Variants in SRCIN1 observed in about 807,000 individuals in gnomAD.
The protein encoded by SRCIN1 is P130Cas-associated protein.
A neutral mutation model predicts 116.2 loss-of-function variants in SRCIN1; 50 were observed. The ratio of observed to expected loss-of-function variants is 0.43; its 90% CI spans 0.34 to 0.54. The LOEUF (loss-of-function observed/expected upper bound fraction) is 0.54. Among genes scored for constraint, SRCIN1 ranks in the 20% least tolerant of loss-of-function variants. SRCIN1 has a pLI of 0.02. For missense variants in SRCIN1, 1,446 were observed against 1,672.0 expected, an observed-to-expected ratio of 0.86 and a Z score of 2.36; for synonymous variants, 736 against 750.0, an observed-to-expected ratio of 0.98 and a Z score of 0.30.
Position 38,552,168 on chromosome 17 carries a change from A to C in SRCIN1, c.2481-36T>G. On this transcript the variant is annotated intron_variant, in intron 13 of 18. Coordinates refer to ENST00000617146, the MANE Select transcript of SRCIN1 (RefSeq NM_025248.3). This position sits in a 1 kb window ranked among gnomAD's most constrained non-coding sequence, Gnocchi z 5.3. ...GAGAGTTGGGAGCAGCTGTGAGGCC[A>C]GCAGGTGGTGACCCTTCTGCAGGAA... 1 of 1,585,396 alleles carries C rather than the reference A, an allele frequency of 6.3e-7. No individual in the cohort carries two copies. The highest frequency in any genetic ancestry group is 1.2e-5 in the South Asian group (1 of 85,664).
chr17:38,543,564 G>T (rs952083870), intron 18 of SRCIN1, among the ~76,000 whole-genome samples: 8 of 152,206 alleles, frequency 5.3e-5, no homozygotes, highest in African/African-American at 1.9e-4. Context: ...TCTTCTCTGT[G>T]TCTGAGTGAG....
At chr17:38,596,694 C>T (rs892784443) in intron 1 of SRCIN1, among the ~76,000 whole-genome samples, 2 of 152,082 alleles carry the variant, frequency 1.3e-5, no homozygotes, top group African/African-American at 4.8e-5. Flanking sequence ...GCTCCACTCC[C>T]CACTAACCCT....
Position 38,561,838 on chromosome 17 carries a change from G to A in SRCIN1, c.1325C>T (p.Ala442Val), listed in dbSNP as rs1385907476. 3.4e-6 allele frequency: 5 copies of A among 1,476,374 alleles called. No homozygotes were observed. In the East Asian group the frequency reaches 1.1e-4, roughly 32 times the overall value. The allele number at this position is 1,476,374 out of a possible 1,614,324, so 91.5% of individuals were successfully genotyped here. The change falls in exon 7 of 19, where the codon GCG becomes GTG. Residue 442 changes from alanine (A) to valine (V), a missense_variant. Ala to Val is a moderately conservative substitution (Grantham distance 64, BLOSUM62 0). This residue lies in a region of SRCIN1 where 398 missense variants were observed against 385.6 expected (regional missense o/e 1.03). Transcript: ENST00000617146. ...GGAGTCCTCCAGATCGGACTGCAGC[G>A]CGGCGGCCGAGTAGGTGCTGAGCGA... is the stretch of plus-strand genomic sequence containing the variant. ...VRSLSTYSAA[A>V]LQSDLEDSLY... is the part of the protein sequence containing the mutation.
In SRCIN1 at chr17:38,533,399, C is replaced by T. The variant is rs775919652; in HGVS notation, c.3450G>A (p.Ser1150=). 31 of 1,612,562 alleles carry T rather than the reference C, an allele frequency of 1.9e-5. No individual in the cohort carries two copies. In the East Asian group the frequency reaches 2.5e-4, roughly 13 times the overall value. Residue 1150 remains serine (S), a synonymous_variant, in exon 19 of 19, where the codon TCG becomes TCA. Coordinates refer to ENST00000617146, the MANE Select transcript of SRCIN1 (RefSeq NM_025248.3). ...ATKPSKEMSG[S]NETSSPVSEK... ...CTGAGACTGGGCTCGAGGTCTCATT[C>T]GACCCGCTCATCTCTTTAGATGGTT...
rs1396306568 is a variant in SRCIN1, at chr17:38,558,313, C to G, written c.2115G>C (p.Glu705Asp). 9.9e-6 allele frequency: 16 copies of G among 1,610,930 alleles called. No individual in the cohort carries two copies. The highest frequency in any genetic ancestry group is 1.3e-5 in the Non-Finnish European group (15 of 1,179,600). Residue 705 changes from glutamate (E) to aspartate (D), a missense_variant, in exon 11 of 19, where the codon GAG (glutamate) becomes GAC (aspartate). Glu to Asp is a conservative substitution (Grantham distance 45). This residue lies in a region of SRCIN1 where 398 missense variants were observed against 385.6 expected (regional missense o/e 1.03). Coordinates refer to ENST00000617146, the MANE Select transcript of SRCIN1 (RefSeq NM_025248.3). This position sits in a 1 kb window ranked among gnomAD's most constrained non-coding sequence, Gnocchi z 4.6. ...GGGTGCGCTGCCGCTGCAGCGGGTC[C>G]TCCTGCCGCCGCGCCGCCTCCGACA... ...MRVSEAARRQ[E>D]DPLQRQRTLV... is the part of the protein sequence containing the mutation.
At position 38,562,593 on chromosome 17, in the gene SRCIN1, G is replaced by A. The variant is rs549451439; in HGVS notation, c.834+234C>T. Among the ~76,000 whole-genome samples the A allele has an allele frequency of 3.3e-5, 5 of 152,296 alleles. No individual in the cohort carries two copies. In the South Asian group the frequency reaches 8.3e-4, roughly 25 times the overall value. On this transcript the variant is annotated intron_variant, in intron 6 of 18. Transcript: ENST00000617146. This position sits in a 1 kb window ranked among gnomAD's most constrained non-coding sequence, Gnocchi z 4.2. ...AAGTAGAAGGGGAAGGGGTGGCTCC[G>A]GCTCCTGAGAGAGGGCTTAGAATAT...
At chr17:38,540,194 T>C (rs73302701) in intron 18 of SRCIN1, among the ~76,000 whole-genome samples, 12,239 of 152,166 alleles carry the variant, frequency 0.08, 546 homozygotes, top group East Asian at 0.14. Context: ...CCCTGGGATC[T>C]TAAGCACAAC....
At chr17:38,605,037 A>T (rs1312937510) in intron 1 of SRCIN1, among the ~76,000 whole-genome samples, 3 of 150,806 alleles carry the variant, frequency 2.0e-5, no homozygotes, top group Non-Finnish European at 3.0e-5. Context: ...TGAGGCTCAG[A>T]GGTCTCCAGG....
intron 1 of SRCIN1, among the ~76,000 whole-genome samples, chr17:38,601,801 C>T (rs1909048935): frequency 6.6e-6 from 1 of 152,148 alleles, no homozygotes; most frequent in Non-Finnish European, 1.5e-5. Flanking sequence ...CTTGGCTTCT[C>T]AACCTTCCAG....
chr17:38,562,764 A>G lies in SRCIN1; in HGVS notation c.834+63T>C. 6.9e-7 allele frequency: 1 copy of G among 1,447,064 alleles called. No individual in the cohort carries two copies. The highest frequency in any genetic ancestry group is 9.6e-7 in the Non-Finnish European group (1 of 1,043,306). The allele number at this position is 1,447,064 out of a possible 1,614,324, so 89.6% of individuals were successfully genotyped here. A position where few individuals can be genotyped will look rare whatever the true frequency, so the allele number is the denominator to read the frequency against. ...CTGGTTCCAGATGACAACTGCCCAG[A>G]CCCTGCTCCCCTGGACCCCATGTGC... On this transcript the variant is annotated intron_variant, in intron 6 of 18. Coordinates refer to ENST00000617146, the MANE Select transcript of SRCIN1 (RefSeq NM_025248.3). This position sits in a 1 kb window ranked among gnomAD's most constrained non-coding sequence, Gnocchi z 4.2.
At position 38,568,398 on chromosome 17, in the gene SRCIN1, A is replaced by G. The variant is rs1649441277; in HGVS notation, c.325-167T>C. Reference sequence around the variant, plus strand: ...GTCATGCCTGGTACATCCATTCTCTACTGAGACCTGGAACACCATGGTGTA... The same window carrying G: ...GTCATGCCTGGTACATCCATTCTCTGCTGAGACCTGGAACACCATGGTGTA... On this transcript the variant is annotated intron_variant, in intron 2 of 18. Transcript: ENST00000617146. The surrounding 1 kb of genome is among the most constrained non-coding windows in gnomAD (Gnocchi z 4.5). Among the ~76,000 whole-genome samples the G allele has an allele frequency of 6.6e-6, 1 of 152,174 alleles. No individual in the cohort carries two copies. Among genetic ancestry groups the G allele is most frequent in the African/African-American group, 2.4e-5 (1 of 41,422 alleles).
chr17:38,540,706 C>T (rs1904676804), intron 18 of SRCIN1, among the ~76,000 whole-genome samples: 1 of 151,692 alleles, frequency 6.6e-6, no homozygotes, highest in Admixed American at 6.6e-5. Context: ...TGATCATCTG[C>T]CAGGGGCCGG....
Position 38,559,590 on chromosome 17 carries a change from G to A in SRCIN1, c.2020C>T (p.Leu674Phe). 6.2e-7 allele frequency: 1 copy of A among 1,600,094 alleles called. No individual in the cohort carries two copies. The highest frequency in any genetic ancestry group is 1.1e-5 in the South Asian group (1 of 90,876). ...GGCCCAGGACGGGGCGGTACCTGGA[G>A]CTTGCGCAACTGCTGGAGCTGGCCG... is the stretch of plus-strand genomic sequence containing the variant. ...LRGQLQQLRK[L>F]QLQNQESVRA... Residue 674 changes from leucine (L) to phenylalanine (F), a missense_variant, in exon 10 of 19, where the codon CTC becomes TTC. Coordinates refer to ENST00000617146, the MANE Select transcript of SRCIN1 (RefSeq NM_025248.3).
chr17:38,578,372 T>A, intron 2 of SRCIN1, 118 bp downstream of exon 2: 2 of 1,285,652 alleles, frequency 1.6e-6, no homozygotes, highest in East Asian at 2.7e-5. Context: ...CTTCCCTCTC[T>A]GCTCCAGATG....
chr17:38,578,870 G>A, intron 1 of SRCIN1, 79 bp from the exon 2 acceptor site: 3 of 1,409,726 alleles, frequency 2.1e-6, no homozygotes, highest in Non-Finnish European at 2.8e-6. Flanking sequence ...GGGTCCCTGC[G>A]GGAAGGGGCG....
chr17:38,567,611 G>C (rs1481094570), intron 3 of SRCIN1, among the ~76,000 whole-genome samples: 1 of 152,088 alleles, frequency 6.6e-6, no homozygotes, highest in Non-Finnish European at 1.5e-5. Context: ...GGGGTCAACA[G>C]GATACCCTGG....
At chr17:38,574,127 G>A (rs974506314) in intron 2 of SRCIN1, among the ~76,000 whole-genome samples, 3 of 152,130 alleles carry the variant, frequency 2.0e-5, no homozygotes, top group Non-Finnish European at 4.4e-5. Flanking sequence ...CCCCTCCTCC[G>A]CCTCCTACAG....
chr17:38,558,371 A>T lies in SRCIN1; in HGVS notation c.2057T>A (p.Leu686Gln). 6.2e-7 allele frequency: 1 copy of T among 1,605,856 alleles called. No homozygotes were observed. The highest frequency in any genetic ancestry group is 8.5e-7 in the Non-Finnish European group (1 of 1,179,282). The change falls in exon 11 of 19, where the codon CTG becomes CAG. Residue 686 changes from leucine (L) to glutamine (Q), a missense_variant. By Grantham distance (113) the Leu-to-Gln change is moderately radical (BLOSUM62 -2). This residue lies in a region of SRCIN1 where 398 missense variants were observed against 385.6 expected (regional missense o/e 1.03). Transcript: ENST00000617146. The surrounding 1 kb of genome is among the most constrained non-coding windows in gnomAD (Gnocchi z 4.6). Reference protein sequence around the residue: ...LQNQESVRALLKRTEAELSMR... With the variant: ...LQNQESVRALQKRTEAELSMR... ...GCTCAGCTCTGCCTCCGTGCGCTTCAGCAGCGCGCGCACCGACTCCTGGTT... is the reference window on the plus strand; with the variant it reads ...GCTCAGCTCTGCCTCCGTGCGCTTCTGCAGCGCGCGCACCGACTCCTGGTT...
chr17:38,580,113 C>A (rs957664202), intron 1 of SRCIN1, among the ~76,000 whole-genome samples: 28 of 152,136 alleles, frequency 1.8e-4, no homozygotes, highest in Admixed American at 1.8e-3. Flanking sequence ...CAACAGGGGA[C>A]GCGGCTGGAA....
Sources: gnomAD v4.1 joint callset for allele counts (sites outside exome capture counted in the v4.1 genomes callset) on GRCh38, gnomAD v4.1.1 for gene constraint, gnomAD v4.1.1 regional missense constraint, Gnocchi (gnomAD v3.1) non-coding constraint, MANE v1.5 for transcripts, NCBI Gene and HGNC (gene_info 2026-07-23, HGNC 2026-07-21) for gene names.